Variants in KLHL26 observed in about 807,000 individuals in gnomAD.
KLHL26 encodes the protein kelch like family member 26.
A neutral mutation model predicts 7.1 loss-of-function variants in KLHL26; 4 were observed. The observed-to-expected ratio is 0.56, with a 90% CI of 0.28 to 1.28. KLHL26 has a LOEUF of 1.28. Ranked by LOEUF, KLHL26 falls within the 50% of genes most tolerant of loss-of-function variation. KLHL26 has a pLI of 0.11. For synonymous variants in KLHL26, 465 were observed against 414.1 expected, an observed-to-expected ratio of 1.12 and a Z score of -1.49; for missense variants, 896 against 924.6, an observed-to-expected ratio of 0.97 and a Z score of 0.40.
intron 2 of KLHL26, 156 bp from the exon 3 acceptor site, chr19:18,667,508 T>A (rs909696367): frequency 7.5e-7 from 1 of 1,327,152 alleles, no homozygotes; most frequent in East Asian, 2.5e-5. Context: ...CCGGCCCCTT[T>A]GCATGTTTTT....
At position 18,656,620 on chromosome 19, in the gene KLHL26, G is replaced by T. The variant is rs1000052547; in HGVS notation, c.84-7641G>T. 1.3e-5 allele frequency among the ~76,000 whole-genome samples: 2 copies of T among 152,088 alleles called. No individual in the cohort carries two copies. Among genetic ancestry groups the T allele is most frequent in the African/African-American group, 4.8e-5 (2 of 41,400 alleles). On this transcript the variant is annotated intron_variant, in intron 1 of 2. Transcript: ENST00000300976. The surrounding 1 kb of genome is among the most constrained non-coding windows in gnomAD (Gnocchi z 4.4). ...GAAGGCCAGGGCCTCCTTCGCAGGG[G>T]TCAGAGGGCATCCATGCAGGACGCT... is the stretch of plus-strand genomic sequence containing the variant.
In KLHL26 at chr19:18,666,394, G is replaced by C. The variant is rs560489715; in HGVS notation, c.267-1270G>C. On this transcript the variant is annotated intron_variant, in intron 2 of 2. Transcript: ENST00000300976. ...GGACGGCCATCAGGGGAGGTGCACT[G>C]GCAGGAGTGAGAGTTACTATGCCAT... Among the ~76,000 whole-genome samples the C allele has an allele frequency of 9.4e-4, 143 of 152,332 alleles. 1 individual carries two copies. Among genetic ancestry groups the C allele is most frequent in the Non-Finnish European group, 1.7e-3 (117 of 68,022 alleles).
chr19:18,638,667 G>A (rs978967845), intron 1 of KLHL26, among the ~76,000 whole-genome samples: 8 of 152,234 alleles, frequency 5.3e-5, no homozygotes, highest in African/African-American at 1.7e-4. Context: ...GGGCACTGGA[G>A]TGGGATAACC....
chr19:18,640,247 T>C (rs924381810), intron 1 of KLHL26, among the ~76,000 whole-genome samples: 1 of 152,136 alleles, frequency 6.6e-6, no homozygotes, highest in Non-Finnish European at 1.5e-5. Flanking sequence ...AAATTTCTTT[T>C]TTTTTGAGAC....
At chr19:18,653,939 C>A (rs549723743) in intron 1 of KLHL26, among the ~76,000 whole-genome samples, 30 of 113,600 alleles carry the variant, frequency 2.6e-4, no homozygotes, top group Non-Finnish European at 4.9e-4. Flanking sequence ...TTCCATCCAC[C>A]CACCTGTCCA....
rs1568465719 is a variant in KLHL26, at chr19:18,669,105, C to T, written c.1708C>T (p.Arg570Cys). The T allele has an allele frequency of 1.2e-6, 2 of 1,612,922 alleles. No homozygotes were observed. The highest frequency in any genetic ancestry group is 1.7e-6 in the Non-Finnish European group (2 of 1,179,954). The change falls in exon 3 of 3, where the codon CGT becomes TGT. Residue 570 changes from arginine to cysteine, a missense_variant. Transcript: ENST00000300976. ...CTACATCGTCGGGGGCTACAACTGG[C>T]GTCTCAACAACGTCACGGGCATCGT... Reference protein sequence around the residue: ...KIYIVGGYNWRLNNVTGIVQV... With the variant: ...KIYIVGGYNWCLNNVTGIVQV...
rs10408294 is a variant in KLHL26, at chr19:18,642,768, T to C, written c.83+5631T>C. Among the ~76,000 whole-genome samples, 840 of 150,756 alleles carry C rather than the reference T, an allele frequency of 5.6e-3. 12 individuals are homozygous for C. Among genetic ancestry groups the C allele is most frequent in the African/African-American group, 0.02 (804 of 41,002 alleles). Reference sequence around the variant, plus strand: ...GCTACCTGCAGCCTTCTTGACCTCCTGGGCTCAAGCTATCCTTCTGCTTCA... The same window carrying C: ...GCTACCTGCAGCCTTCTTGACCTCCCGGGCTCAAGCTATCCTTCTGCTTCA... On this transcript the variant is annotated intron_variant, in intron 1 of 2. Transcript: ENST00000300976.
rs192542518 is a variant in KLHL26, at chr19:18,649,396, G to A, written c.83+12259G>A. ...ATAGCTCTGCATGCCCAGGCTGGCC[G>A]AGGGTCATCCGCCTCTTCCTCTTCA... On this transcript the variant is annotated intron_variant, in intron 1 of 2. Transcript: ENST00000300976. This position sits in a 1 kb window ranked among gnomAD's most constrained non-coding sequence, Gnocchi z 4.0. Among the ~76,000 whole-genome samples the A allele has an allele frequency of 4.6e-5, 7 of 152,298 alleles. No homozygotes were observed. The highest frequency in any genetic ancestry group is 6.5e-5 in the Admixed American group (1 of 15,302).
chr19:18,659,690 C>T (rs1039531435), intron 1 of KLHL26: 2 of 152,086 alleles, frequency 1.3e-5, no homozygotes, highest in Admixed American at 6.5e-5. Flanking sequence ...TGAAAAGAAC[C>T]GTTCTGGGGC....
At chr19:18,654,814 T>C (rs1442218503) in intron 1 of KLHL26, among the ~76,000 whole-genome samples, 2 of 151,390 alleles carry the variant, frequency 1.3e-5, no homozygotes, top group Non-Finnish European at 2.9e-5. Context: ...TTCATCTGTC[T>C]ATCTACCGTT....
At chr19:18,666,372 C>T (rs961354203) in intron 2 of KLHL26, among the ~76,000 whole-genome samples, 1 of 152,192 alleles carries the variant, frequency 6.6e-6, no homozygotes, top group South Asian at 2.1e-4. Flanking sequence ...CCTCCTCGGA[C>T]GGCCATCAGG....
Position 18,643,059 on chromosome 19 carries a change from C to G in KLHL26, c.83+5922C>G, listed in dbSNP as rs537241294. 2.0e-5 allele frequency among the ~76,000 whole-genome samples: 3 copies of G among 150,946 alleles called. No individual in the cohort carries two copies. The East Asian group carries it at 6.2e-4, about 31-fold the overall frequency. Reference sequence around the variant, plus strand: ...ATGTTGGCCAGGGTGGTCTTGATCTCCTGACCTCGTGATCCACCTGCCTTG... The same window carrying G: ...ATGTTGGCCAGGGTGGTCTTGATCTGCTGACCTCGTGATCCACCTGCCTTG... On this transcript the variant is annotated intron_variant, in intron 1 of 2. Transcript: ENST00000300976.
Position 18,641,444 on chromosome 19 carries a change from G to A in KLHL26, c.83+4307G>A, listed in dbSNP as rs536273693. Among the ~76,000 whole-genome samples the A allele has an allele frequency of 2.2e-4, 33 of 150,020 alleles. 1 individual carries two copies. In the South Asian group the frequency reaches 6.2e-3, roughly 28 times the overall value. ...AGCGATTTTCATGTCTCAGCCTCCC[G>A]AGTAGCTGGGATTACAGGTGCATGC... is the stretch of plus-strand genomic sequence containing the variant. On this transcript the variant is annotated intron_variant, in intron 1 of 2. Transcript: ENST00000300976.
In KLHL26 at chr19:18,669,153, G is replaced by A; in HGVS notation, c.1756G>A (p.Asp586Asn). The A allele has an allele frequency of 1.2e-6, 2 of 1,612,900 alleles. No homozygotes were observed. The highest frequency in any genetic ancestry group is 1.7e-6 in the Non-Finnish European group (2 of 1,179,970). ...CGTACAGGTGTACAACACGGACACC[G>A]ACGAGTGGGAGCGGGACCTGCACTT... The part of the protein sequence containing the change: ...GIVQVYNTDT[D>N]EWERDLHFPE... The change falls in exon 3 of 3, where the codon GAC (aspartate) becomes AAC (asparagine). Residue 586 changes from aspartate to asparagine, a missense_variant. Physicochemically the swap from Asp to Asn is conservative, Grantham distance 23. Transcript: ENST00000300976.
chr19:18,668,944 GCATGGACCA>G lies in KLHL26; in HGVS notation c.1549_1557del (p.Met517_His519del). The stretch of plus-strand genomic sequence containing the variant: ...GGCCGCATCTATGCCCTCGGGGGCC[GCATGGACCA>G]CGTGGACCGCTGCTTCGACGTGCTG... On this transcript the variant is annotated inframe_deletion, in exon 3 of 3. Coordinates refer to ENST00000300976, the MANE Select transcript of KLHL26 (RefSeq NM_018316.3). 1 of 1,610,126 alleles carries G rather than the reference GCATGGACCA, an allele frequency of 6.2e-7. No individual in the cohort carries two copies. The highest frequency in any genetic ancestry group is 8.5e-7 in the Non-Finnish European group (1 of 1,179,880).
intron 1 of KLHL26, among the ~76,000 whole-genome samples, chr19:18,645,883 G>C (rs1189330609): frequency 2.6e-5 from 4 of 151,970 alleles, no homozygotes; most frequent in Non-Finnish European, 5.9e-5. Flanking sequence ...GAAAGTGTTT[G>C]CATGGAAAGT....
chr19:18,663,081 C>CT (rs1193382654), intron 1 of KLHL26, among the ~76,000 whole-genome samples: 6 of 152,218 alleles, frequency 3.9e-5, no homozygotes, highest in Non-Finnish European at 7.3e-5. Context: ...GCATTGGGCT[C>CT]TGAGTAGCAT....
chr19:18,657,203 CTG>C (rs2052343637), intron 1 of KLHL26, among the ~76,000 whole-genome samples: 1 of 151,430 alleles, frequency 6.6e-6, no homozygotes, highest in Admixed American at 6.6e-5. Context: ...CCCTGGATCT[CTG>C]TCTCCCTGTC....
rs1459317868 is a variant in KLHL26 at position 18,668,447 on chromosome 19, C to T, written c.1050C>T (p.Gly350=). 4.3e-6 allele frequency: 7 copies of T among 1,611,420 alleles called. No homozygotes were observed. In the East Asian group the frequency reaches 8.9e-5, roughly 21 times the overall value. The part of the protein sequence containing the change: ...HFRELTEMEV[G]CSHTCVAVLD... ...GCGAGCTCACGGAGATGGAGGTAGG[C>T]TGCAGCCACACGTGCGTGGCCGTGC... The change falls in exon 3 of 3, where the codon GGC becomes GGT. Residue 350 remains glycine, a synonymous_variant. Coordinates refer to ENST00000300976, the MANE Select transcript of KLHL26 (RefSeq NM_018316.3).
Sources: gnomAD v4.1 joint callset for allele counts (sites outside exome capture counted in the v4.1 genomes callset) on GRCh38, gnomAD v4.1.1 for gene constraint, Gnocchi (gnomAD v3.1) non-coding constraint, MANE v1.5 for transcripts, NCBI Gene and HGNC (gene_info 2026-07-23, HGNC 2026-07-21) for gene names.